ZSCAN4: variants seen among roughly 807,000 people sequenced by gnomAD.
The protein encoded by ZSCAN4 is zinc finger and SCAN domain-containing protein 4.
ZSCAN4 carries 18 observed loss-of-function variants against 18.3 expected under a neutral mutation model. The ratio of observed to expected loss-of-function variants is 0.98; its 90% confidence interval spans 0.68 to 1.46. The LOEUF (loss-of-function observed/expected upper bound fraction) is 1.46, where lower values mean the gene tolerates loss of function less well. Among genes scored for constraint, ZSCAN4 ranks in the 40% most tolerant of loss-of-function variants. ZSCAN4 has a pLI of 0.00. For synonymous variants in ZSCAN4, 193 were observed against 180.3 expected, an observed-to-expected ratio of 1.07 and a Z score of -0.57; for missense variants, 498 against 511.4, an observed-to-expected ratio of 0.97 and a Z score of 0.25.
the ZSCAN4 span, among the ~76,000 whole-genome samples, chr19:57,654,154 C>T: frequency 2.6e-5 from 4 of 152,152 alleles, no homozygotes; most frequent in African/African-American, 9.7e-5. Context: ...TAAACATAAA[C>T]AGACTGGCCC....
the ZSCAN4 span, among the ~76,000 whole-genome samples, chr19:57,663,046 C>T: frequency 7.9e-3 from 1,154 of 146,332 alleles, 13 homozygotes; most frequent in African/African-American, 0.027. Flanking sequence ...GCTGGAACTA[C>T]GGACGTACCA....
the ZSCAN4 span, among the ~76,000 whole-genome samples, chr19:57,658,566 G>T: frequency 6.6e-6 from 1 of 152,166 alleles, no homozygotes; most frequent in South Asian, 2.1e-4. Context: ...GGGTGCAGTG[G>T]CTCAGGCCTG....
At chr19:57,673,448 T>C (rs912461402) in intron 2 of ZSCAN4, among the ~76,000 whole-genome samples, 6 of 151,946 alleles carry the variant, frequency 3.9e-5, no homozygotes, top group African/African-American at 1.2e-4. Flanking sequence ...CTGGACAAAA[T>C]AGCGAGACCA....
At chr19:57,678,966 A>G in exon 5 of ZSCAN4, 4 of 1,483,062 alleles carry the variant, frequency 2.7e-6, no homozygotes, top group Non-Finnish European at 3.6e-6. Context: ...TATAGTATTT[A>G]TCTACTTAGG....
At chr19:57,673,365 A>G (rs1984081532) in intron 2 of ZSCAN4, among the ~76,000 whole-genome samples, 1 of 152,146 alleles carries the variant, frequency 6.6e-6, no homozygotes, top group African/African-American at 2.4e-5. Context: ...CCATAGGCAT[A>G]GTAGCTCACG....
exon 1 of ZSCAN4, chr19:57,668,975 C>T (rs1983932522): frequency 6.6e-6 from 1 of 151,320 alleles, no homozygotes. Flanking sequence ...AAAGTTTGAG[C>T]AAAAGTTTGT....
At chr19:57,656,640 AC>A in the ZSCAN4 span, among the ~76,000 whole-genome samples, 1 of 151,858 alleles carries the variant, frequency 6.6e-6, no homozygotes, top group Non-Finnish European at 1.5e-5. Context: ...TCACCCATAT[AC>A]CCCCTGTAAA....
At chr19:57,652,594 T>C in the ZSCAN4 span, among the ~76,000 whole-genome samples, 3 of 151,912 alleles carry the variant, frequency 2.0e-5, 1 homozygote, top group Middle Eastern at 0.01. Context: ...TGGTTCCATC[T>C]CCCCCTCTGG....
chr19:57,659,944 C>T, the ZSCAN4 span, among the ~76,000 whole-genome samples: 1 of 152,168 alleles, frequency 6.6e-6, no homozygotes, highest in Non-Finnish European at 1.5e-5. Context: ...ATACACAATA[C>T]TCAAATGTTC....
At chr19:57,667,964 C>T (rs561754691), upstream of ZSCAN4, among the ~76,000 whole-genome samples, 1 of 151,976 alleles carries the variant, frequency 6.6e-6, no homozygotes, top group East Asian at 1.9e-4. Flanking sequence ...AGCAGTGGTG[C>T]GATCTTGGCT....
the ZSCAN4 span, among the ~76,000 whole-genome samples, chr19:57,653,680 T>C: frequency 2.0e-5 from 3 of 152,192 alleles, no homozygotes; most frequent in African/African-American, 7.2e-5. Flanking sequence ...AAATACCAGG[T>C]GCTGGCAGAT....
the ZSCAN4 span, among the ~76,000 whole-genome samples, chr19:57,654,009 G>C: frequency 6.6e-6 from 1 of 152,176 alleles, no homozygotes; most frequent in Non-Finnish European, 1.5e-5. Context: ...TTAGAACGCA[G>C]GGTAACACTG....
the ZSCAN4 span, among the ~76,000 whole-genome samples, chr19:57,661,447 G>A: frequency 1.3e-5 from 2 of 152,012 alleles, no homozygotes; most frequent in African/African-American, 4.8e-5. Context: ...GATTGTTACT[G>A]GTAGAATCAA....
upstream of ZSCAN4, among the ~76,000 whole-genome samples, chr19:57,666,710 C>T (rs1166764490): frequency 6.6e-6 from 1 of 151,974 alleles, no homozygotes; most frequent in Non-Finnish European, 1.5e-5. Flanking sequence ...ATGGTGAAAC[C>T]CCGTCTCTAC....
the ZSCAN4 span, among the ~76,000 whole-genome samples, chr19:57,654,146 A>G: frequency 6.6e-6 from 1 of 152,018 alleles, no homozygotes; most frequent in African/African-American, 2.4e-5. Flanking sequence ...ATACCCTCTA[A>G]ACATAAACAG....
At chr19:57,654,759 C>A in the ZSCAN4 span, among the ~76,000 whole-genome samples, 1 of 152,162 alleles carries the variant, frequency 6.6e-6, no homozygotes, top group East Asian at 1.9e-4. Flanking sequence ...TTCACCATCC[C>A]CTTGGATCCA....
chr19:57,656,212 T>C, the ZSCAN4 span, among the ~76,000 whole-genome samples: 1 of 152,090 alleles, frequency 6.6e-6, no homozygotes, highest in Non-Finnish European at 1.5e-5. Context: ...ACAGATGCCA[T>C]AACCAAGGGA....
upstream of ZSCAN4, among the ~76,000 whole-genome samples, chr19:57,665,743 C>T (rs146194449): frequency 2.4e-3 from 369 of 152,226 alleles, no homozygotes; most frequent in African/African-American, 8.5e-3. Flanking sequence ...AATGGAGAAA[C>T]CCCATCTCTA....
the ZSCAN4 span, among the ~76,000 whole-genome samples, chr19:57,651,732 C>A: frequency 1.3e-5 from 2 of 152,196 alleles, no homozygotes. Flanking sequence ...CAGCTCATCC[C>A]AGGTGAATTC....
Sources: allele counts gnomAD v4.1 joint callset (sites outside exome capture counted in the v4.1 genomes callset), GRCh38; gene constraint gnomAD v4.1.1; transcripts MANE v1.5; gene names NCBI Gene and HGNC (gene_info 2026-07-23, HGNC 2026-07-21).